The following UNC13C variants were observed in gnomAD, a reference collection of about 807,000 sequenced individuals.
UNC13C encodes unc-13 homolog C, also known as protein unc-13 homolog C.
UNC13C carries 174 observed loss-of-function variants against 245.4 expected under a neutral mutation model. That is an observed-to-expected ratio of 0.71 (90% confidence interval 0.63 to 0.80). The LOEUF (loss-of-function observed/expected upper bound fraction) is 0.80. UNC13C is among the 30% of genes least tolerant of loss of function. The pLI is 0.00. For synonymous variants in UNC13C, 992 were observed against 895.1 expected (o/e 1.11, Z -1.93); for missense variants, 2,829 against 2,602.9 (o/e 1.09, Z -1.89).
rs75069935 is a variant in UNC13C, at chr15:54,502,493, C to T, written c.5301+1515C>T. Among the ~76,000 whole-genome samples the T allele has an allele frequency of 6.2e-3, 936 of 152,192 alleles. 15 individuals are homozygous for T. Among genetic ancestry groups the T allele is most frequent in the African/African-American group, 0.021 (876 of 41,510 alleles). On this transcript the variant is annotated intron_variant, in intron 22 of 32. Coordinates refer to ENST00000260323, the MANE Select transcript of UNC13C (RefSeq NM_001080534.3). The stretch of plus-strand genomic sequence containing the variant: ...TTATTTAAACCATTCTTAGAGATGA[C>T]TTTCTGAGTCCCCTTAGATGATTCT...
intron 19 of UNC13C, among the ~76,000 whole-genome samples, chr15:54,470,437 C>G (rs1383092150): frequency 6.6e-6 from 1 of 151,426 alleles, no homozygotes; most frequent in African/African-American, 2.4e-5. Flanking sequence ...TATTGGCCTA[C>G]TCAGATTTGC....
rs144703361 is a variant in UNC13C at position 54,416,879 on chromosome 15, G to A, written c.4933+1812G>A. 2.9e-4 allele frequency: 132 copies of A among 456,104 alleles called. 1 individual carries two copies. Among genetic ancestry groups the A allele is most frequent in the African/African-American group, 1.4e-3 (71 of 50,078 alleles). The allele number at this position is 456,104 out of a possible 1,614,324, so 28.3% of individuals were successfully genotyped here. A position where few individuals can be genotyped will look rare whatever the true frequency, so the allele number is the denominator to read the frequency against. ...TATCATTGATTCCTTTATTGTCTTCGCTACAGTAAAAGTTTATTCCTGCAT... is the reference window on the plus strand; with the variant it reads ...TATCATTGATTCCTTTATTGTCTTCACTACAGTAAAAGTTTATTCCTGCAT... On this transcript the variant is annotated intron_variant, in intron 19 of 32. Transcript: ENST00000260323.
intron 2 of UNC13C, among the ~76,000 whole-genome samples, chr15:54,051,142 A>G (rs115848452): frequency 0.01 from 1,565 of 152,202 alleles, 30 homozygotes; most frequent in African/African-American, 0.036. Flanking sequence ...ACATTTATCA[A>G]TCTTTTATTG....
intron 4 of UNC13C, among the ~76,000 whole-genome samples, chr15:54,219,869 A>G (rs2035167291): frequency 6.6e-6 from 1 of 152,042 alleles, no homozygotes; most frequent in Non-Finnish European, 1.5e-5. Context: ...TGGCCATCAG[A>G]GAAATGCAAA....
In UNC13C at chr15:54,533,082, C is replaced by A. The variant is rs1277285485; in HGVS notation, c.5696+16C>A. On this transcript the variant is annotated intron_variant, in intron 26 of 32. Transcript: ENST00000260323. ...TGGACAAAACGTAAGTTTTTTTGCCCAGTTTTCTCTTTACTTATTGCCCTA... is the reference window on the plus strand; with the variant it reads ...TGGACAAAACGTAAGTTTTTTTGCCAAGTTTTCTCTTTACTTATTGCCCTA... 2 of 1,572,718 alleles carry A rather than the reference C, an allele frequency of 1.3e-6. No homozygotes were observed. The highest frequency in any genetic ancestry group is 1.2e-5 in the South Asian group (1 of 84,682).
chr15:54,310,045 A>G (rs1195380956), intron 13 of UNC13C, among the ~76,000 whole-genome samples: 1 of 151,770 alleles, frequency 6.6e-6, no homozygotes, highest in Non-Finnish European at 1.5e-5. Flanking sequence ...TCATGTCTTT[A>G]GGGGAGAATA....
the UNC13C span, among the ~76,000 whole-genome samples, chr15:53,928,589 A>G: frequency 6.6e-6 from 1 of 150,762 alleles, no homozygotes. Context: ...ATATCTAACT[A>G]TGTAAAAAAA....
At chr15:54,269,018 G>A (rs575601195) in intron 10 of UNC13C, among the ~76,000 whole-genome samples, 1 of 149,010 alleles carries the variant, frequency 6.7e-6, no homozygotes, top group South Asian at 2.1e-4. Flanking sequence ...GAGTCTAATG[G>A]ACTCTACCTT....
chr15:54,300,149 G>C (rs1296294144), intron 12 of UNC13C, 61 bp from the exon 13 acceptor site: 2 of 1,494,696 alleles, frequency 1.3e-6, no homozygotes, highest in Non-Finnish European at 1.8e-6. Context: ...GGAAGTTTTA[G>C]TTAAATGTTT....
In UNC13C at chr15:54,131,803, A is replaced by G. The variant is rs536839505; in HGVS notation, c.2984-11215A>G. ...ATTCACTCTCCTTTCATTTCTTGCA[A>G]TTGTTTACTGTCGCACTCCCATGTC... On this transcript the variant is annotated intron_variant, in intron 2 of 32. Transcript: ENST00000260323. Among the ~76,000 whole-genome samples, 100 of 152,170 alleles carry G rather than the reference A, an allele frequency of 6.6e-4. 1 individual carries two copies. Among genetic ancestry groups the G allele is most frequent in the African/African-American group, 2.1e-3 (87 of 41,522 alleles).
intron 2 of UNC13C, among the ~76,000 whole-genome samples, chr15:54,064,823 T>G (rs986964866): frequency 6.6e-6 from 1 of 152,148 alleles, no homozygotes; most frequent in South Asian, 2.1e-4. Context: ...ATATTAGAGG[T>G]TTTAATTTGC....
chr15:54,470,044 A>T (rs974825019), intron 19 of UNC13C, among the ~76,000 whole-genome samples: 2 of 151,670 alleles, frequency 1.3e-5, no homozygotes, highest in African/African-American at 4.8e-5. Flanking sequence ...ATTCTTTAAT[A>T]TAACATGAAT....
intron 4 of UNC13C, among the ~76,000 whole-genome samples, chr15:54,198,291 T>G (rs1445853107): frequency 6.6e-6 from 1 of 152,054 alleles, no homozygotes; most frequent in Non-Finnish European, 1.5e-5. Flanking sequence ...GCCCACCACC[T>G]GAGAAACCTG....
At chr15:54,407,861 G>A (rs901066282) in intron 18 of UNC13C, among the ~76,000 whole-genome samples, 1 of 152,046 alleles carries the variant, frequency 6.6e-6, no homozygotes, top group African/African-American at 2.4e-5. Flanking sequence ...GAAAGAAAAA[G>A]TTAACTGTGA....
At chr15:54,294,097 T>G in intron 11 of UNC13C, 33 bp downstream of exon 11, 1 of 1,477,592 alleles carries the variant, frequency 6.8e-7, no homozygotes, top group Non-Finnish European at 8.9e-7. Context: ...TGAAAACGAG[T>G]TAAATAAAAC....
At chr15:53,937,558 G>A in the UNC13C span, among the ~76,000 whole-genome samples, 2 of 152,100 alleles carry the variant, frequency 1.3e-5, no homozygotes, top group East Asian at 3.9e-4. Flanking sequence ...TCCATGAGAA[G>A]ATCAACCCCA....
intron 2 of UNC13C, among the ~76,000 whole-genome samples, chr15:54,068,929 T>C (rs1475445233): frequency 9.2e-5 from 14 of 152,198 alleles, no homozygotes. Context: ...AGTTATGGTG[T>C]TTGGATGCTG....
intron 2 of UNC13C, among the ~76,000 whole-genome samples, chr15:54,116,594 C>A (rs2030265618): frequency 6.6e-6 from 1 of 151,966 alleles, no homozygotes; most frequent in Non-Finnish European, 1.5e-5. Context: ...CATATTGTTG[C>A]AAATAACAAT....
At chr15:54,108,026 T>A (rs539105530) in intron 2 of UNC13C, among the ~76,000 whole-genome samples, 1 of 152,276 alleles carries the variant, frequency 6.6e-6, no homozygotes, top group Non-Finnish European at 1.5e-5. Context: ...GAAAAAAACA[T>A]ACTTTAGAGA....
Sources: allele counts gnomAD v4.1 joint callset (sites outside exome capture counted in the v4.1 genomes callset), GRCh38; gene constraint gnomAD v4.1.1; transcripts MANE v1.5; gene names NCBI Gene and HGNC (gene_info 2026-07-23, HGNC 2026-07-21).